DNAH14: variants seen among roughly 807,000 people sequenced by gnomAD.
DNAH14 encodes axonemal beta dynein heavy chain 14.
Under a neutral mutation model 520.9 loss-of-function variants are expected in DNAH14, and 478 were observed. The ratio of observed to expected loss-of-function variants is 0.92; its 90% CI spans 0.85 to 0.99. The LOEUF (loss-of-function observed/expected upper bound fraction) is 0.99, where lower values mean the gene tolerates loss of function less well. DNAH14 is among the 50% of genes least tolerant of loss of function. The pLI, the probability that DNAH14 is intolerant of heterozygous loss-of-function variation, is 0.00. For missense variants in DNAH14, 4,831 were observed against 5,234.5 expected (o/e 0.92, Z 2.38); for synonymous variants, 1,581 against 1,757.2 (o/e 0.90, Z 2.51).
At chr1:225,000,563 G>A (rs1035962402) in intron 8 of DNAH14, among the ~76,000 whole-genome samples, 1 of 140,936 alleles carries the variant, frequency 7.1e-6, no homozygotes, top group Non-Finnish European at 1.5e-5. Flanking sequence ...ATGAAGGTTT[G>A]TTCTTTTTTT....
At chr1:225,306,763 A>G (rs900971252) in intron 58 of DNAH14, among the ~76,000 whole-genome samples, 2 of 151,992 alleles carry the variant, frequency 1.3e-5, no homozygotes, top group Non-Finnish European at 2.9e-5. Flanking sequence ...TGCCAGGACA[A>G]TCTTAAGAGC....
intron 73 of DNAH14, chr1:225,357,779 T>A (rs1184451931): frequency 1.4e-6 from 1 of 702,130 alleles, no homozygotes; most frequent in African/African-American, 1.7e-5. Flanking sequence ...CACACTGACG[T>A]GTGTAGCTTC....
chr1:225,301,903 G>A (rs2094146118), intron 56 of DNAH14, among the ~76,000 whole-genome samples: 1 of 151,952 alleles, frequency 6.6e-6, no homozygotes, highest in Non-Finnish European at 1.5e-5. Context: ...TAATACCGTG[G>A]TAGGAAGAAG....
Position 225,353,801 on chromosome 1 carries a change from A to G in DNAH14, c.11534-2A>G, listed in dbSNP as rs957004923. On this transcript the variant is annotated splice_acceptor_variant, in intron 72 of 85. Coordinates refer to ENST00000682510, the MANE Select transcript of DNAH14 (RefSeq NM_001367479.1). LOFTEE classifies it high-confidence loss of function. ...CAGTTTCTTTCTCTAAATTATATCTAGCTGAACTTTTGAATGAAAATAAAG... is the reference window on the plus strand; with the variant it reads ...CAGTTTCTTTCTCTAAATTATATCTGGCTGAACTTTTGAATGAAAATAAAG... 15 of 1,440,996 alleles carry G rather than the reference A, an allele frequency of 1.0e-5. No individual in the cohort carries two copies. The highest frequency in any genetic ancestry group is 1.3e-5 in the Non-Finnish European group (14 of 1,056,352). The allele number at this position is 1,440,996 out of a possible 1,614,324, so 89.3% of individuals were successfully genotyped here. A position where few individuals can be genotyped will look rare whatever the true frequency, so the allele number is the denominator to read the frequency against.
In DNAH14 at chr1:225,364,788, G is replaced by C. The variant is rs750722403; in HGVS notation, c.11988-4G>C. The C allele has an allele frequency of 1.1e-5, 16 of 1,505,666 alleles. No individual in the cohort carries two copies. The African/African-American group carries it at 1.8e-4, about 17-fold the overall frequency. The allele number at this position is 1,505,666 out of a possible 1,614,324, so 93.3% of individuals were successfully genotyped here. On this transcript the variant is annotated splice_polypyrimidine_tract_variant and splice_region_variant and intron_variant, in intron 75 of 85. Transcript: ENST00000682510. ...AAAATATTTATAAATTTTTTATTTT[G>C]CAGTTTTAATAGTCCAAACGTGACA...
At chr1:225,257,901 AG>A in intron 44 of DNAH14, 58 bp from the exon 45 acceptor site, 7 of 1,222,648 alleles carry the variant, frequency 5.7e-6, no homozygotes, top group Admixed American at 5.9e-5. Flanking sequence ...AAAAAAAAAA[AG>A]ATGAGGTGAA....
intron 55 of DNAH14, among the ~76,000 whole-genome samples, chr1:225,296,241 A>G (rs964012321): frequency 6.6e-6 from 1 of 152,096 alleles, no homozygotes; most frequent in Non-Finnish European, 1.5e-5. Flanking sequence ...TTTCTTAAAA[A>G]TAGAGACGAG....
chr1:225,346,515 T>C lies in DNAH14; in HGVS notation c.11157T>C (p.Thr3719=). ...TTTGCTTCTCTTTTCGGCTTTGCAC[T>C]GTAATCATGCAAAACAATGCTAATG... The part of the protein sequence containing the change: ...DKLCFSFRLC[T]VIMQNNANGN... Residue 3719 remains threonine (T), a synonymous_variant, in exon 71 of 86, where the codon ACT becomes ACC. Coordinates refer to ENST00000682510, the MANE Select transcript of DNAH14 (RefSeq NM_001367479.1). 10 of 1,551,352 alleles carry C rather than the reference T, an allele frequency of 6.4e-6. No individual in the cohort carries two copies. The highest frequency in any genetic ancestry group is 8.7e-6 in the Non-Finnish European group (10 of 1,146,804).
In DNAH14 at chr1:225,259,217, G is replaced by A. The variant is rs764326850; in HGVS notation, c.7121G>A (p.Gly2374Glu). The A allele has an allele frequency of 8.5e-6, 13 of 1,535,168 alleles. No individual in the cohort carries two copies. The Admixed American group carries it at 1.0e-4, about 12-fold the overall frequency. ...AFDIKHGSIL[G>E]DTLLYSEIKK... ...GACATAAAACATGGTTCAATTTTAG[G>A]AGACACCCTATTATATAGTGAAATA... The change falls in exon 46 of 86, where the codon GGA becomes GAA. Residue 2374 changes from glycine (G) to glutamate (E), a missense_variant. Transcript: ENST00000682510.
At chr1:225,003,927 G>A (rs957806167) in intron 9 of DNAH14, among the ~76,000 whole-genome samples, 2 of 151,884 alleles carry the variant, frequency 1.3e-5, no homozygotes, top group African/African-American at 4.8e-5. Flanking sequence ...TTTAATGATG[G>A]GTGGGAAGGC....
chr1:225,142,977 T>C (rs1335788319), intron 28 of DNAH14, among the ~76,000 whole-genome samples: 1 of 152,090 alleles, frequency 6.6e-6, no homozygotes, highest in Admixed American at 6.5e-5. Flanking sequence ...ATAAATTTTT[T>C]TTTCTTTCAA....
chr1:225,369,322 C>T (rs1359432227), intron 77 of DNAH14, among the ~76,000 whole-genome samples: 2 of 151,266 alleles, frequency 1.3e-5, no homozygotes, highest in Admixed American at 6.6e-5. Flanking sequence ...AAAACAAAAC[C>T]CAGAAATGTG....
chr1:225,209,865 TG>T (rs2088119043), intron 41 of DNAH14, among the ~76,000 whole-genome samples: 1 of 151,958 alleles, frequency 6.6e-6, no homozygotes, highest in Non-Finnish European at 1.5e-5. Context: ...AGAAGCAGGG[TG>T]GGGCATCACC....
chr1:225,247,410 TAAAA>T (rs1258018542), intron 43 of DNAH14, among the ~76,000 whole-genome samples: 1 of 151,666 alleles, frequency 6.6e-6, no homozygotes, highest in Non-Finnish European at 1.5e-5. Flanking sequence ...AATAAGTAAA[TAAAA>T]AGAAATTCAA....
At chr1:225,206,261 GTTTAT>G (rs1325834598) in intron 40 of DNAH14, 82 bp downstream of exon 40, 61 of 1,250,462 alleles carry the variant, frequency 4.9e-5, no homozygotes, top group Non-Finnish European at 6.3e-5. Flanking sequence ...AGCATTTTAT[GTTTAT>G]TTTATTTTTA....
chr1:225,396,766 C>G (rs573353574), intron 84 of DNAH14: 1 of 152,262 alleles, frequency 6.6e-6, no homozygotes, highest in South Asian at 2.1e-4. Context: ...TTAAATCACT[C>G]CAAAAGGGGC....
In DNAH14 at chr1:225,265,317, A is replaced by G; in HGVS notation, c.7358A>G (p.Lys2453Arg). 1 of 1,543,880 alleles carries G rather than the reference A, an allele frequency of 6.5e-7. No homozygotes were observed. The highest frequency in any genetic ancestry group is 8.7e-7 in the Non-Finnish European group (1 of 1,144,954). Residue 2453 changes from lysine to arginine, a missense_variant, in exon 48 of 86, where the codon AAG becomes AGG. By Grantham distance (26) the Lys-to-Arg change is conservative. Coordinates refer to ENST00000682510, the MANE Select transcript of DNAH14 (RefSeq NM_001367479.1). ...GCCAAAACCAAGGAGATGATTCTTAAGAAGTTAATAAGAAGAACTAAAGAT... is the reference window on the plus strand; with the variant it reads ...GCCAAAACCAAGGAGATGATTCTTAGGAAGTTAATAAGAAGAACTAAAGAT... ...TAAKTKEMIL[K>R]KLIRRTKDTL...
intron 27 of DNAH14, among the ~76,000 whole-genome samples, chr1:225,127,194 G>T (rs1438577037): frequency 8.0e-5 from 12 of 149,858 alleles, no homozygotes; most frequent in Admixed American, 4.0e-4. Flanking sequence ...GTTGATTTGG[G>T]GTGGAGAGTT....
At chr1:225,290,677 A>G (rs563079996) in intron 55 of DNAH14, among the ~76,000 whole-genome samples, 4 of 128,708 alleles carry the variant, frequency 3.1e-5, no homozygotes, top group African/African-American at 1.3e-4. Context: ...ATATATATAT[A>G]TATATATATA....
Sources: gnomAD v4.1 joint callset for allele counts (sites outside exome capture counted in the v4.1 genomes callset) on GRCh38, gnomAD v4.1.1 for gene constraint, MANE v1.5 for transcripts, NCBI Gene and HGNC (gene_info 2026-07-23, HGNC 2026-07-21) for gene names.